Variants in MTRF1 observed in about 807,000 individuals in gnomAD.
The protein encoded by MTRF1 is peptide chain release factor 1, mitochondrial.
A neutral mutation model predicts 62.9 loss-of-function variants in MTRF1; 51 were observed. The observed-to-expected ratio is 0.81, with a 90% CI of 0.65 to 1.02. The LOEUF (loss-of-function observed/expected upper bound fraction) is 1.02, where lower values mean the gene tolerates loss of function less well. Ranked by LOEUF, MTRF1 falls within the 50% of genes least tolerant of loss-of-function variation. The pLI, the probability that MTRF1 is intolerant of heterozygous loss-of-function variation, is 0.00. For synonymous variants in MTRF1, 158 were observed against 181.9 expected (o/e 0.87, Z 1.06); for missense variants, 446 against 530.0 (o/e 0.84, Z 1.56).
At chr13:41,248,113 G>A (rs2038522865) in intron 5 of MTRF1, among the ~76,000 whole-genome samples, 1 of 152,030 alleles carries the variant, frequency 6.6e-6, no homozygotes, top group African/African-American at 2.4e-5. Flanking sequence ...GTCTCCTCAA[G>A]GGGACCTACA....
At chr13:41,257,874 T>C (rs2039939500) in intron 2 of MTRF1, 1 of 351,988 alleles carries the variant, frequency 2.8e-6, no homozygotes, top group South Asian at 2.1e-5. Context: ...TCAAATGAGA[T>C]AATATTTGTA....
At chr13:41,303,069 A>T in the MTRF1 span, among the ~76,000 whole-genome samples, 8 of 152,234 alleles carry the variant, frequency 5.3e-5, no homozygotes, top group Admixed American at 1.3e-4. Flanking sequence ...GAAATTCCAG[A>T]AAGAGCCTTT....
intron 5 of MTRF1, among the ~76,000 whole-genome samples, chr13:41,247,777 G>C (rs1350299158): frequency 1.3e-5 from 2 of 152,138 alleles, no homozygotes; most frequent in Admixed American, 1.3e-4. Context: ...CAGCTGCTGA[G>C]TATGTCTACT....
At position 41,251,929 on chromosome 13, in the gene MTRF1, G is replaced by A. The variant is rs190361829; in HGVS notation, c.697+716C>T. ...CAGTCTCACTTTGTTGCCCAGGCTG[G>A]AGTGTACTGGTGTGATCTTGGCTCA... On this transcript the variant is annotated intron_variant, in intron 5 of 9. Transcript: ENST00000379480. 4.5e-4 allele frequency among the ~76,000 whole-genome samples: 69 copies of A among 152,190 alleles called. No individual in the cohort carries two copies. In the East Asian group the frequency reaches 0.013, roughly 29 times the overall value.
chr13:41,289,960 G>A, the MTRF1 span, among the ~76,000 whole-genome samples: 1 of 152,094 alleles, frequency 6.6e-6, no homozygotes, highest in Admixed American at 6.5e-5. Context: ...CAGGGAAAAC[G>A]CTTCCACAAC....
At chr13:41,219,671 G>A (rs1001922573) in intron 9 of MTRF1, among the ~76,000 whole-genome samples, 10 of 152,102 alleles carry the variant, frequency 6.6e-5, no homozygotes, top group South Asian at 4.1e-4. Flanking sequence ...GTATTTTCCC[G>A]AATAGAAATG....
At chr13:41,241,293 G>A (rs575531188) in intron 5 of MTRF1, among the ~76,000 whole-genome samples, 75 of 152,224 alleles carry the variant, frequency 4.9e-4, no homozygotes, top group Non-Finnish European at 8.1e-4. Flanking sequence ...ATCTGCCTGC[G>A]TTGGGGTCCC....
At chr13:41,260,271 G>C (rs144580915) in intron 2 of MTRF1, among the ~76,000 whole-genome samples, 4 of 152,006 alleles carry the variant, frequency 2.6e-5, no homozygotes, top group South Asian at 4.1e-4. Flanking sequence ...ATGCTGAAGT[G>C]GGGGGCCAGG....
At chr13:41,263,649 G>A (rs1208469771), upstream of MTRF1, 2 of 172,690 alleles carry the variant, frequency 1.2e-5, no homozygotes, top group Admixed American at 6.0e-5. Flanking sequence ...CCGCTCTCCG[G>A]AGGAGTTGTC....
chr13:41,230,688 A>G (rs2035380304), intron 7 of MTRF1, among the ~76,000 whole-genome samples: 1 of 151,546 alleles, frequency 6.6e-6, no homozygotes, highest in African/African-American at 2.4e-5. Context: ...CAAACAATAC[A>G]AGCAATCATA....
Position 41,217,199 on chromosome 13 carries a change from A to T in MTRF1, c.1254T>A (p.Asp418Glu). Reference sequence around the variant, plus strand: ...ATTGAAGCAGTCTCTGAATTAGCTGATCCAGGCCCTTCCCACCACATAAAA... The same window carrying T: ...ATTGAAGCAGTCTCTGAATTAGCTGTTCCAGGCCCTTCCCACCACATAAAA... ...KEFLCGGKGLDQLIQRLLQSA... is the reference protein window; with the variant it reads ...KEFLCGGKGLEQLIQRLLQSA... The change falls in exon 10 of 10, where the codon GAT becomes GAA. Residue 418 changes from aspartate (D) to glutamate (E), a missense_variant. Asp to Glu is a conservative substitution (Grantham distance 45). Coordinates refer to ENST00000379480, the MANE Select transcript of MTRF1 (RefSeq NM_004294.4). 2 of 1,608,398 alleles carry T rather than the reference A, an allele frequency of 1.2e-6. No individual in the cohort carries two copies. The highest frequency in any genetic ancestry group is 1.7e-6 in the Non-Finnish European group (2 of 1,176,874).
In MTRF1 at chr13:41,252,679, T is replaced by C. The variant is rs35153947; in HGVS notation, c.663A>G (p.Gln221=). 1.3e-3 allele frequency: 2,149 copies of C among 1,613,642 alleles called. 20 individuals carry two copies. The African/African-American group carries it at 0.025, about 19-fold the overall frequency. The change falls in exon 5 of 10, where the codon CAA becomes CAG. Residue 221 remains glutamine (Q), a synonymous_variant. Coordinates refer to ENST00000379480, the MANE Select transcript of MTRF1 (RefSeq NM_004294.4). The part of the protein sequence containing the change: ...YQNYSCYKHW[Q]FELLNYTPAD... ...CTGGTGTATAATTCAGAAGTTCAAA[T>C]TGCCAGTGTTTATAGCACGAATAAT...
chr13:41,249,415 C>A (rs1949192596), intron 5 of MTRF1, among the ~76,000 whole-genome samples: 1 of 151,202 alleles, frequency 6.6e-6, no homozygotes, highest in South Asian at 2.1e-4. Flanking sequence ...GTGGCGGGTG[C>A]CTGTAGTCCC....
chr13:41,296,969 C>T, the MTRF1 span, among the ~76,000 whole-genome samples: 5 of 152,248 alleles, frequency 3.3e-5, no homozygotes, highest in South Asian at 1.0e-3. Flanking sequence ...AACACATTTG[C>T]AATCAGCTTT....
At chr13:41,245,751 T>C (rs546869315) in intron 5 of MTRF1, among the ~76,000 whole-genome samples, 1 of 152,340 alleles carries the variant, frequency 6.6e-6, no homozygotes, top group South Asian at 2.1e-4. Context: ...TTAGAATGAG[T>C]CCAGGAAGGC....
chr13:41,260,838 G>A lies in MTRF1; in HGVS notation c.70C>T (p.Gln24Ter), dbSNP rs758576712. 1 of 1,614,058 alleles carries A rather than the reference G, an allele frequency of 6.2e-7. No homozygotes were observed. Among genetic ancestry groups the A allele is most frequent in the Admixed American group, 1.7e-5 (1 of 60,016 alleles). ...SLNGYLQCHI[Q>*]LHSHQFRQIH... Reference sequence around the variant, plus strand: ...TGTCTAAATTGATGAGAATGGAGCTGGATGTGACACTGGAGGTAACCATTA... The same window carrying A: ...TGTCTAAATTGATGAGAATGGAGCTAGATGTGACACTGGAGGTAACCATTA... The change falls in exon 2 of 10, where the codon CAG becomes TAG. Residue 24 changes from glutamine to a stop codon, truncating the protein, a stop_gained. Transcript: ENST00000379480. LOFTEE classifies it high-confidence loss of function.
intron 1 of MTRF1, chr13:41,262,341 A>AC (rs1260217799): frequency 2.7e-5 from 4 of 147,256 alleles, no homozygotes; most frequent in Admixed American, 2.0e-4. Flanking sequence ...GCTGTCTCAA[A>AC]AAAAAAAAAA....
At chr13:41,311,182 G>A in the MTRF1 span, 3 of 428,124 alleles carry the variant, frequency 7.0e-6, no homozygotes, top group South Asian at 5.6e-5. Context: ...CTACGCCCCC[G>A]TAGTCACCCG....
intron 7 of MTRF1, among the ~76,000 whole-genome samples, chr13:41,233,554 G>A (rs184768776): frequency 6.6e-6 from 1 of 152,270 alleles, no homozygotes; most frequent in East Asian, 1.9e-4. Context: ...TAGCTGTCAT[G>A]CTACAAGGTG....
Sources: allele counts gnomAD v4.1 joint callset (sites outside exome capture counted in the v4.1 genomes callset), GRCh38; gene constraint gnomAD v4.1.1; transcripts MANE v1.5; gene names NCBI Gene and HGNC (gene_info 2026-07-23, HGNC 2026-07-21).